Variants in ANKMY1 observed in about 807,000 individuals in gnomAD.
ANKMY1 encodes the protein ankyrin repeat and MYND domain containing 1.
ANKMY1 carries 98 observed loss-of-function variants against 102.0 expected under a neutral mutation model. The observed-to-expected ratio is 0.96, with a 90% confidence interval of 0.82 to 1.14. ANKMY1 has a LOEUF of 1.14. ANKMY1 is among the 50% of genes most tolerant of loss of function. The probability of loss-of-function intolerance (pLI) is 0.00; values close to 1 mark genes in which losing one functional copy is unlikely to be tolerated. For missense variants in ANKMY1, 1,330 were observed against 1,347.6 expected, an observed-to-expected ratio of 0.99 and a Z score of 0.20; for synonymous variants, 582 against 559.9, an observed-to-expected ratio of 1.04 and a Z score of -0.56.
At chr2:240,478,181 A>G (rs1358987415), downstream of ANKMY1, among the ~76,000 whole-genome samples, 2 of 152,156 alleles carry the variant, frequency 1.3e-5, no homozygotes, top group Admixed American at 6.5e-5. Context: ...AGCTGAGCAC[A>G]TGCCGCCATG....
chr2:240,477,350 C>A (rs568475094), downstream of ANKMY1, among the ~76,000 whole-genome samples: 8 of 152,204 alleles, frequency 5.3e-5, no homozygotes, highest in African/African-American at 1.9e-4. Context: ...ATATGTTCCC[C>A]AAAATGCTCA....
rs1172884312 is a variant in ANKMY1 at position 240,555,059 on chromosome 2, A to G, written c.147-4T>C. 2 of 1,613,754 alleles carry G rather than the reference A, an allele frequency of 1.2e-6. No homozygotes were observed. The highest frequency in any genetic ancestry group is 1.7e-6 in the Non-Finnish European group (2 of 1,179,806). On this transcript the variant is annotated splice_polypyrimidine_tract_variant and splice_region_variant and intron_variant, in intron 2 of 17. Transcript: ENST00000401804. ...CTCAGGGGCTGCTGAAACATCCCTA[A>G]AAGGACAGGAGCAGAAGGAGGGAAG...
the ANKMY1 span, among the ~76,000 whole-genome samples, chr2:240,469,666 C>CTA: frequency 2.0e-5 from 3 of 150,442 alleles, no homozygotes; most frequent in Non-Finnish European, 4.5e-5. Context: ...CATGTGCACT[C>CTA]CACATTTACA....
chr2:240,482,978 A>C (rs1423795030), intron 15 of ANKMY1, among the ~76,000 whole-genome samples: 1 of 152,180 alleles, frequency 6.6e-6, no homozygotes, highest in Non-Finnish European at 1.5e-5. Flanking sequence ...GATTAGGTGC[A>C]TATGGGTTTA....
chr2:240,469,245 G>A, the ANKMY1 span, among the ~76,000 whole-genome samples: 2 of 152,252 alleles, frequency 1.3e-5, no homozygotes, highest in East Asian at 3.9e-4. Context: ...GGACACAGGT[G>A]CGTGTGCACT....
Position 240,520,291 on chromosome 2 carries a change from C to G in ANKMY1, c.2004+71G>C. The G allele has an allele frequency of 6.7e-7, 1 of 1,487,354 alleles. No homozygotes were observed. The highest frequency in any genetic ancestry group is 2.5e-5 in the East Asian group (1 of 40,124). 92.1% of individuals were successfully genotyped at this position (1,487,354 alleles called of 1,614,324 possible). On this transcript the variant is annotated intron_variant, in intron 9 of 17. Coordinates refer to ENST00000401804, the MANE Select transcript of ANKMY1 (RefSeq NM_001282771.3). The surrounding 1 kb of genome is among the most constrained non-coding windows in gnomAD (Gnocchi z 4.8). ...CCCTCTCTTCCGCGCCTAGGTGGAG[C>G]GAGGAGCTTCCCGGCCAGTGCCCGG...
At chr2:240,491,109 AC>A (rs1428316178) in intron 15 of ANKMY1, among the ~76,000 whole-genome samples, 3 of 84,006 alleles carry the variant, frequency 3.6e-5, no homozygotes, top group Non-Finnish European at 5.0e-5. Context: ...TTTTTTTTTT[AC>A]TCTTCCTGAC....
At chr2:240,511,733 C>T (rs2080225924) in intron 11 of ANKMY1, 128 bp downstream of exon 11, 2 of 1,253,294 alleles carry the variant, frequency 1.6e-6, no homozygotes, top group East Asian at 2.9e-5. Context: ...CCTCCCCATC[C>T]TTCCAAGCTC....
Position 240,482,182 on chromosome 2 carries a change from C to T in ANKMY1, c.2885+1G>A, listed in dbSNP as rs141633070. 1.6e-4 allele frequency: 266 copies of T among 1,612,412 alleles called. No individual in the cohort carries two copies. The highest frequency in any genetic ancestry group is 2.2e-4 in the Non-Finnish European group (259 of 1,179,202). On this transcript the variant is annotated splice_donor_variant, in intron 16 of 17. Transcript: ENST00000401804. LOFTEE classifies it high-confidence loss of function. ...AGAACCCAGCCTGCAGACACACTTA[C>T]TGCCCCTGCTCCTTCACATCCAGGC...
chr2:240,514,325 T>C (rs1304806046), intron 9 of ANKMY1, among the ~76,000 whole-genome samples: 1 of 152,128 alleles, frequency 6.6e-6, no homozygotes, highest in African/African-American at 2.4e-5. Flanking sequence ...AGAGAAATAC[T>C]AGAGAAATAA....
At chr2:240,508,560 C>A (rs920428301) in intron 12 of ANKMY1, among the ~76,000 whole-genome samples, 1 of 152,198 alleles carries the variant, frequency 6.6e-6, no homozygotes, top group Non-Finnish European at 1.5e-5. Context: ...CACTCTCCAT[C>A]CCCTCACTAA....
intron 15 of ANKMY1, among the ~76,000 whole-genome samples, chr2:240,493,323 T>C (rs1260163143): frequency 2.0e-5 from 3 of 152,088 alleles, no homozygotes; most frequent in Non-Finnish European, 4.4e-5. Context: ...TGAGACTCCA[T>C]CTCAAAAAAA....
upstream of ANKMY1, chr2:240,560,949 A>T (rs772072452): frequency 6.5e-7 from 1 of 1,528,458 alleles, no homozygotes; most frequent in South Asian, 1.2e-5. Flanking sequence ...GTGCGCCGCC[A>T]TGGAGGCCGC....
At chr2:240,527,151 G>A (rs1371970782) in intron 5 of ANKMY1, 1 of 252,472 alleles carries the variant, frequency 4.0e-6, no homozygotes, top group Non-Finnish European at 5.8e-6. Context: ...TGAATAGATG[G>A]ATAAGTGGGT....
intron 2 of ANKMY1, chr2:240,555,691 CAGACCACCACAGACGGATGGGGCGTCTT>C (rs1314086287): frequency 6.5e-6 from 1 of 153,112 alleles, no homozygotes; most frequent in Non-Finnish European, 1.5e-5. Context: ...CAGGGCGTCT[CAGACCACCACAGACGGATGGGGCGTCTT>C]AGACCATCAC....
At chr2:240,512,532 G>A (rs1258877310) in intron 10 of ANKMY1, among the ~76,000 whole-genome samples, 2 of 152,208 alleles carry the variant, frequency 1.3e-5, no homozygotes, top group Admixed American at 6.5e-5. Context: ...CAAAAGGTCC[G>A]CATGGGGACC....
At position 240,500,067 on chromosome 2, in the gene ANKMY1, C is replaced by T. The variant is rs758062773; in HGVS notation, c.2697G>A (p.Thr899=). The T allele has an allele frequency of 6.0e-5, 97 of 1,611,868 alleles. No individual in the cohort carries two copies. In the South Asian group the frequency reaches 8.9e-4, roughly 15 times the overall value. ...CCAGGAGCCGCTTCCGCGCCAGGAA[C>T]GTCTCGCGCTCTGCTGGCATCAGCG... is the stretch of plus-strand genomic sequence containing the variant. The part of the protein sequence containing the change: ...FHTLMPAERE[T]FLARKRLLEY... The change falls in exon 15 of 18, where the codon ACG becomes ACA. Residue 899 remains threonine, a synonymous_variant. Coordinates refer to ENST00000401804, the MANE Select transcript of ANKMY1 (RefSeq NM_001282771.3).
chr2:240,524,324 G>C lies in ANKMY1; in HGVS notation c.1393C>G (p.Leu465Val), dbSNP rs901284044. The C allele has an allele frequency of 2.5e-6, 4 of 1,612,846 alleles. No homozygotes were observed. Among genetic ancestry groups the C allele is most frequent in the Non-Finnish European group, 3.4e-6 (4 of 1,179,424 alleles). Residue 465 changes from leucine (L) to valine (V), a missense_variant, in exon 8 of 18, where the codon CTG (leucine) becomes GTG (valine). Leu to Val is a conservative substitution (Grantham distance 32). Coordinates refer to ENST00000401804, the MANE Select transcript of ANKMY1 (RefSeq NM_001282771.3). ...ILSSSFMDTN[L>V]ESLYYEVNVP... is the part of the protein sequence containing the mutation. ...TTCACCTCATAGTACAGAGACTCCAGGTTTGTGTCCATAAATGATGATGAA... is the reference window on the plus strand; with the variant it reads ...TTCACCTCATAGTACAGAGACTCCACGTTTGTGTCCATAAATGATGATGAA...
chr2:240,523,432 T>A, intron 8 of ANKMY1: 1 of 171,600 alleles, frequency 5.8e-6, no homozygotes. Context: ...CCTGAAAGGG[T>A]CTTGGACCCC....
Sources: gnomAD v4.1 joint callset for allele counts (sites outside exome capture counted in the v4.1 genomes callset) on GRCh38, gnomAD v4.1.1 for gene constraint, Gnocchi (gnomAD v3.1) non-coding constraint, MANE v1.5 for transcripts, NCBI Gene and HGNC (gene_info 2026-07-23, HGNC 2026-07-21) for gene names.